The following ZSWIM4 variants were observed in gnomAD, a reference collection of about 807,000 sequenced individuals.
The protein encoded by ZSWIM4 is zinc finger SWIM-type containing 4.
In ZSWIM4, 62 loss-of-function variants were observed where a neutral mutation model predicts 102.5. That is an observed-to-expected ratio of 0.60 (90% CI 0.49 to 0.75). The LOEUF (loss-of-function observed/expected upper bound fraction) is 0.75, where lower values mean the gene tolerates loss of function less well. Ranked by LOEUF, ZSWIM4 falls within the 30% of genes least tolerant of loss-of-function variation. ZSWIM4 has a pLI of 0.00. For missense variants in ZSWIM4, 1,280 were observed against 1,529.6 expected, an observed-to-expected ratio of 0.84 and a Z score of 2.72; for synonymous variants, 652 against 674.5, an observed-to-expected ratio of 0.97 and a Z score of 0.52.
At chr19:13,805,229 C>G in intron 3 of ZSWIM4, 81 bp downstream of exon 3, 1 of 1,275,068 alleles carries the variant, frequency 7.8e-7, no homozygotes, top group Non-Finnish European at 1.1e-6. Flanking sequence ...CAGTGCTGGT[C>G]ACTTACTGAC....
intron 13 of ZSWIM4, among the ~76,000 whole-genome samples, chr19:13,829,529 T>G (rs930153553): frequency 2.6e-5 from 4 of 152,064 alleles, no homozygotes; most frequent in Middle Eastern, 3.2e-3. Context: ...AGACAGAGGT[T>G]GCAGTGAGCC....
At position 13,830,305 on chromosome 19, in the gene ZSWIM4, A is replaced by C. The variant is rs757186590; in HGVS notation, c.2576A>C (p.Gln859Pro). Residue 859 changes from glutamine (Q) to proline (P), a missense_variant, in exon 14 of 14, where the codon CAG becomes CCG. Coordinates refer to ENST00000590508, the MANE Select transcript of ZSWIM4 (RefSeq NM_001367834.3). ...GTTHATLLRL[Q>P]LDTSRREELW... Reference sequence around the variant, plus strand: ...ACACACGCCACTCTGCTGCGACTGCAGCTGGACACATCGCGGAGGGAGGAG... The same window carrying C: ...ACACACGCCACTCTGCTGCGACTGCCGCTGGACACATCGCGGAGGGAGGAG... 1 of 1,613,812 alleles carries C rather than the reference A, an allele frequency of 6.2e-7. No individual in the cohort carries two copies. The highest frequency in any genetic ancestry group is 1.3e-5 in the African/African-American group (1 of 75,046).
intron 8 of ZSWIM4, 49 bp downstream of exon 8, chr19:13,817,402 T>A (rs1975322087): frequency 1.3e-6 from 2 of 1,585,796 alleles, no homozygotes; most frequent in Non-Finnish European, 1.7e-6. Context: ...CCCGCCTCGT[T>A]GGCCACGCCC....
chr19:13,806,962 A>G (rs1298657773), intron 3 of ZSWIM4, among the ~76,000 whole-genome samples: 3 of 152,002 alleles, frequency 2.0e-5, no homozygotes, highest in Admixed American at 2.0e-4. Flanking sequence ...TGAGAGGTAC[A>G]TATGAATGGA....
chr19:13,799,263 T>A (rs929418881), intron 1 of ZSWIM4, among the ~76,000 whole-genome samples: 1 of 145,500 alleles, frequency 6.9e-6, no homozygotes, highest in Non-Finnish European at 1.5e-5. Context: ...TTTATTTTTT[T>A]ATTTTTTTAT....
rs1568344568 is a variant in ZSWIM4, at chr19:13,825,153, C to T, written c.2216-397C>T. ...CTCCCGGGTTCAAGCGATTCTCGTGCCTCATCCTCCCAAGTAGCTGGGATT... is the reference window on the plus strand; with the variant it reads ...CTCCCGGGTTCAAGCGATTCTCGTGTCTCATCCTCCCAAGTAGCTGGGATT... On this transcript the variant is annotated intron_variant, in intron 11 of 13. Transcript: ENST00000590508. This position sits in a 1 kb window ranked among gnomAD's most constrained non-coding sequence, Gnocchi z 4.6. Among the ~76,000 whole-genome samples, 1 of 151,854 alleles carries T rather than the reference C, an allele frequency of 6.6e-6. No homozygotes were observed. Among genetic ancestry groups the T allele is most frequent in the East Asian group, 1.9e-4 (1 of 5,160 alleles).
In ZSWIM4 at chr19:13,817,728, G is replaced by A. The variant is rs1444777139; in HGVS notation, c.1676G>A (p.Gly559Asp). The change falls in exon 9 of 14, where the codon GGC (glycine) becomes GAC (aspartate). Residue 559 changes from glycine (G) to aspartate (D), a missense_variant. Gly to Asp is a moderately conservative substitution (Grantham distance 94, BLOSUM62 -1). Coordinates refer to ENST00000590508, the MANE Select transcript of ZSWIM4 (RefSeq NM_001367834.3). ...EETLTLYPDS[G>D]PEKRKVAYQH... ...CTGGCCCTGTCTCCCCCAGACTCAG[G>A]CCCCGAGAAGCGGAAGGTGGCCTAC... The A allele has an allele frequency of 2.5e-6, 4 of 1,608,160 alleles. No individual in the cohort carries two copies. The highest frequency in any genetic ancestry group is 8.5e-7 in the Non-Finnish European group (1 of 1,178,126).
chr19:13,803,046 G>A (rs893617120), intron 2 of ZSWIM4, among the ~76,000 whole-genome samples: 1 of 152,234 alleles, frequency 6.6e-6, no homozygotes, highest in Non-Finnish European at 1.5e-5. Flanking sequence ...GAAAACAAAA[G>A]TGAGGCCTGG....
rs200861009 is a variant in ZSWIM4 at position 13,813,732 on chromosome 19, G to GT, written c.1180+569dup. Among the ~76,000 whole-genome samples the GT allele has an allele frequency of 7.6e-3, 1,155 of 151,906 alleles. 13 individuals are homozygous for GT. The highest frequency in any genetic ancestry group is 0.026 in the African/African-American group (1,091 of 41,446). On this transcript the variant is annotated intron_variant, in intron 6 of 13. Transcript: ENST00000590508. ...GGCCAGGAGTTCAAGACCAGCCAGAGTAACATGGTGAGACCTTGTCTCTAC... is the reference window on the plus strand; with the variant it reads ...GGCCAGGAGTTCAAGACCAGCCAGAGTTAACATGGTGAGACCTTGTCTCTAC...
At chr19:13,822,121 G>A (rs926730595) in intron 10 of ZSWIM4, among the ~76,000 whole-genome samples, 4 of 150,242 alleles carry the variant, frequency 2.7e-5, no homozygotes, top group Non-Finnish European at 5.9e-5. Context: ...CGACCCTCTC[G>A]CCTTGGCCCA....
At chr19:13,800,065 A>G in intron 2 of ZSWIM4, 144 bp downstream of exon 2, 1 of 383,226 alleles carries the variant, frequency 2.6e-6, no homozygotes, top group Non-Finnish European at 4.2e-6. Flanking sequence ...ATTGTACAAG[A>G]TTTTTTTTTT....
Position 13,830,200 on chromosome 19 carries a change from C to T in ZSWIM4, c.2471C>T (p.Ala824Val). 1.2e-6 allele frequency: 2 copies of T among 1,610,530 alleles called. No homozygotes were observed. The highest frequency in any genetic ancestry group is 2.2e-5 in the South Asian group (2 of 91,022). The change falls in exon 14 of 14, where the codon GCC (alanine) becomes GTC (valine). Residue 824 changes from alanine to valine, a missense_variant. Physicochemically the swap from Ala to Val is moderately conservative, Grantham distance 64. Coordinates refer to ENST00000590508, the MANE Select transcript of ZSWIM4 (RefSeq NM_001367834.3). ...VSCATEIGPQ[A>V]LMNIMQNWYS... is the part of the protein sequence containing the mutation. Reference sequence around the variant, plus strand: ...CCTCACCTCCCACCAGGCCCGCAAGCCCTGATGAATATCATGCAGAACTGG... The same window carrying T: ...CCTCACCTCCCACCAGGCCCGCAAGTCCTGATGAATATCATGCAGAACTGG...
intron 5 of ZSWIM4, among the ~76,000 whole-genome samples, chr19:13,811,441 G>A (rs1480373636): frequency 6.6e-6 from 1 of 151,406 alleles, no homozygotes; most frequent in Non-Finnish European, 1.5e-5. Flanking sequence ...GAGGTAGGGG[G>A]ATCACTTGGG....
Position 13,831,252 on chromosome 19 carries a change from G to A in ZSWIM4, c.*202G>A, listed in dbSNP as rs912202023. 17 of 639,050 alleles carry A rather than the reference G, an allele frequency of 2.7e-5. No individual in the cohort carries two copies. Among genetic ancestry groups the A allele is most frequent in the Admixed American group, 2.1e-4 (6 of 28,096 alleles). The allele number at this position is 639,050 out of a possible 1,614,324, so 39.6% of individuals were successfully genotyped here. ...AGTGTGCAAGACTCCAGAAGCAGAA[G>A]CCATACTGCCACCCAGAAGCCTGGA... On this transcript the variant is annotated 3_prime_UTR_variant, in exon 14 of 14. Coordinates refer to ENST00000590508, the MANE Select transcript of ZSWIM4 (RefSeq NM_001367834.3).
intron 5 of ZSWIM4, among the ~76,000 whole-genome samples, chr19:13,810,440 G>A (rs905089413): frequency 2.6e-5 from 4 of 150,976 alleles, no homozygotes; most frequent in South Asian, 2.1e-4. Flanking sequence ...TTATAGGTGC[G>A]TGCCACCATG....
In ZSWIM4 at chr19:13,825,511, G is replaced by A. The variant is rs763571694; in HGVS notation, c.2216-39G>A. The stretch of plus-strand genomic sequence containing the variant: ...GTGGTGGTCAGAGGCTGGTGCTGAG[G>A]TGTATCCGATGGTGTCCTCTGTCCC... On this transcript the variant is annotated intron_variant, in intron 11 of 13. Transcript: ENST00000590508. This position sits in a 1 kb window ranked among gnomAD's most constrained non-coding sequence, Gnocchi z 4.6. 2 of 1,600,758 alleles carry A rather than the reference G, an allele frequency of 1.2e-6. No homozygotes were observed. The highest frequency in any genetic ancestry group is 1.7e-6 in the Non-Finnish European group (2 of 1,170,700).
chr19:13,808,823 T>G lies in ZSWIM4; in HGVS notation c.713-13T>G. ...AGCCCCAGCCTCAGCTTCCTTTCCCTCCCTCCCGGCAGGTGCCCCAGACCC... is the reference window on the plus strand; with the variant it reads ...AGCCCCAGCCTCAGCTTCCTTTCCCGCCCTCCCGGCAGGTGCCCCAGACCC... On this transcript the variant is annotated splice_polypyrimidine_tract_variant and intron_variant, in intron 3 of 13. Transcript: ENST00000590508. 6.9e-7 allele frequency: 1 copy of G among 1,452,510 alleles called. No individual in the cohort carries two copies. Among genetic ancestry groups the G allele is most frequent in the Non-Finnish European group, 9.2e-7 (1 of 1,088,680 alleles). 90.0% of individuals were successfully genotyped at this position (1,452,510 alleles called of 1,614,324 possible). A position where few individuals can be genotyped will look rare whatever the true frequency, so the allele number is the denominator to read the frequency against.
intron 11 of ZSWIM4, among the ~76,000 whole-genome samples, chr19:13,823,775 A>G (rs1975532901): frequency 6.6e-6 from 1 of 152,192 alleles, no homozygotes; most frequent in Admixed American, 6.6e-5. Context: ...GAGTGGAATA[A>G]AACAGTTGAA....
intron 12 of ZSWIM4, among the ~76,000 whole-genome samples, chr19:13,826,037 A>T (rs920482919): frequency 5.9e-5 from 9 of 152,030 alleles, no homozygotes; most frequent in African/African-American, 1.9e-4. Context: ...ACACCTCTGC[A>T]GGTGGGGCCT....
Sources: gnomAD v4.1 joint callset for allele counts (sites outside exome capture counted in the v4.1 genomes callset) on GRCh38, gnomAD v4.1.1 for gene constraint, Gnocchi (gnomAD v3.1) non-coding constraint, MANE v1.5 for transcripts, NCBI Gene and HGNC (gene_info 2026-07-23, HGNC 2026-07-21) for gene names.